CSMD1: variants seen among roughly 807,000 people sequenced by gnomAD.
CSMD1 encodes CUB and sushi domain-containing protein 1.
In CSMD1, 213 loss-of-function variants were observed where a neutral mutation model predicts 417.5. That is an observed-to-expected ratio of 0.51 (90% CI 0.46 to 0.57). The LOEUF (loss-of-function observed/expected upper bound fraction) is 0.57, where lower values mean the gene tolerates loss of function less well. Ranked by LOEUF, CSMD1 falls within the 20% of genes least tolerant of loss-of-function variation. The pLI is 0.00. For synonymous variants in CSMD1, 2,862 were observed against 1,736.8 expected (o/e 1.65, Z -16.11); for missense variants, 6,923 against 4,529.7 (o/e 1.53, Z -15.17).
At chr8:3,814,985 T>C (rs181854585) in intron 5 of CSMD1, among the ~76,000 whole-genome samples, 248 of 152,308 alleles carry the variant, frequency 1.6e-3, no homozygotes, top group African/African-American at 5.7e-3. Flanking sequence ...ATCTGCATAA[T>C]AATTACTAAA....
At chr8:4,243,096 C>G (rs1026144637) in intron 3 of CSMD1, among the ~76,000 whole-genome samples, 9 of 151,978 alleles carry the variant, frequency 5.9e-5, no homozygotes, top group Non-Finnish European at 8.8e-5. Context: ...GTCTTAGAAT[C>G]CGGAACATGT....
At chr8:4,442,015 A>G (rs1049458744) in intron 2 of CSMD1, among the ~76,000 whole-genome samples, 6 of 152,174 alleles carry the variant, frequency 3.9e-5, no homozygotes, top group Non-Finnish European at 7.3e-5. Context: ...AGTCATTTCT[A>G]TGTCCCCCCG....
chr8:4,756,467 G>A (rs1811675017), intron 1 of CSMD1, among the ~76,000 whole-genome samples: 1 of 152,082 alleles, frequency 6.6e-6, no homozygotes, highest in Non-Finnish European at 1.5e-5. Context: ...AATTTGGGGA[G>A]GAAATAAATT....
At chr8:3,220,628 C>G (rs1016328388) in intron 28 of CSMD1, among the ~76,000 whole-genome samples, 1 of 152,048 alleles carries the variant, frequency 6.6e-6, no homozygotes, top group Non-Finnish European at 1.5e-5. Context: ...GTCAGGAGTT[C>G]GAGAACAGCC....
At chr8:3,374,399 G>A (rs1022199415) in intron 18 of CSMD1, among the ~76,000 whole-genome samples, 1 of 152,130 alleles carries the variant, frequency 6.6e-6, no homozygotes, top group East Asian at 1.9e-4. Flanking sequence ...ATAGAACAAT[G>A]AATAAGACAG....
intron 23 of CSMD1, among the ~76,000 whole-genome samples, chr8:3,321,005 C>G (rs1017505576): frequency 6.6e-6 from 1 of 152,114 alleles, no homozygotes; most frequent in Non-Finnish European, 1.5e-5. Flanking sequence ...CATCTCTTCC[C>G]CAAAAATGGC....
intron 7 of CSMD1, among the ~76,000 whole-genome samples, chr8:3,693,720 T>G (rs937820451): frequency 2.6e-5 from 4 of 152,102 alleles, no homozygotes; most frequent in South Asian, 4.1e-4. Context: ...ATGTATGTGT[T>G]GTGTGTGTTA....
intron 41 of CSMD1, among the ~76,000 whole-genome samples, chr8:3,120,704 A>AGTG (rs1554431366): frequency 4.0e-5 from 6 of 148,816 alleles, no homozygotes; most frequent in African/African-American, 1.5e-4. Flanking sequence ...AAAATTAGCC[A>AGTG]GGGGGGGTGA....
At chr8:3,922,087 A>T (rs906108457) in intron 5 of CSMD1, among the ~76,000 whole-genome samples, 1 of 152,070 alleles carries the variant, frequency 6.6e-6, no homozygotes, top group Non-Finnish European at 1.5e-5. Context: ...ATATAATTTT[A>T]TATAGTTTTC....
intron 1 of CSMD1, among the ~76,000 whole-genome samples, chr8:4,693,616 C>T (rs1456286444): frequency 6.6e-6 from 1 of 152,196 alleles, no homozygotes; most frequent in Non-Finnish European, 1.5e-5. Flanking sequence ...CGGGATTTTT[C>T]TCCTTCCATT....
chr8:4,282,365 G>C (rs149716583), intron 3 of CSMD1, among the ~76,000 whole-genome samples: 1 of 152,084 alleles, frequency 6.6e-6, no homozygotes, highest in Non-Finnish European at 1.5e-5. Flanking sequence ...TGGACAAGAG[G>C]GCTCTCTTCT....
intron 5 of CSMD1, among the ~76,000 whole-genome samples, chr8:3,909,333 T>A (rs117153547): frequency 6.6e-6 from 1 of 152,094 alleles, no homozygotes; most frequent in Non-Finnish European, 1.5e-5. Context: ...CGTGTGGGCA[T>A]CCTTGCTGGG....
At chr8:3,529,617 G>T (rs76551516) in intron 10 of CSMD1, among the ~76,000 whole-genome samples, 1 of 152,292 alleles carries the variant, frequency 6.6e-6, no homozygotes, top group South Asian at 2.1e-4. Flanking sequence ...CGCCTAGTTC[G>T]TGATTTGTCA....
intron 38 of CSMD1, 102 bp downstream of exon 38, chr8:3,162,057 G>A (rs1312500782): frequency 1.4e-5 from 10 of 728,394 alleles, no homozygotes; most frequent in Middle Eastern, 2.4e-4. Context: ...TTCACAAACT[G>A]AGTGAGGAAA....
At chr8:3,912,610 C>A in intron 5 of CSMD1, among the ~76,000 whole-genome samples, 1 of 152,116 alleles carries the variant, frequency 6.6e-6, no homozygotes, top group Non-Finnish European at 1.5e-5. Flanking sequence ...AGAGAAGGAG[C>A]TAAGGTGAAT....
intron 1 of CSMD1, among the ~76,000 whole-genome samples, chr8:4,887,315 A>G (rs1407678233): frequency 6.6e-6 from 1 of 152,092 alleles, no homozygotes; most frequent in African/African-American, 2.4e-5. Flanking sequence ...CTCAATTACA[A>G]TGTGTTAAAG....
chr8:3,732,780 CATCCCACTG>C (rs1294594591), intron 6 of CSMD1, among the ~76,000 whole-genome samples: 1 of 152,108 alleles, frequency 6.6e-6, no homozygotes, highest in Admixed American at 6.5e-5. Context: ...CTGAAACGTC[CATCCCACTG>C]AGTGATTCCG....
intron 3 of CSMD1, among the ~76,000 whole-genome samples, chr8:4,140,156 C>T (rs1396089259): frequency 2.0e-5 from 3 of 150,642 alleles, no homozygotes; most frequent in East Asian, 3.9e-4. Flanking sequence ...GGTTTGCGAC[C>T]AGCCTGAGCA....
intron 2 of CSMD1, among the ~76,000 whole-genome samples, chr8:4,528,214 T>C (rs1796616396): frequency 6.6e-6 from 1 of 152,196 alleles, no homozygotes; most frequent in Non-Finnish European, 1.5e-5. Context: ...CAACTTTCTG[T>C]TCCATCTTCA....
Sources: gnomAD v4.1 joint callset for allele counts (sites outside exome capture counted in the v4.1 genomes callset) on GRCh38, gnomAD v4.1.1 for gene constraint, MANE v1.5 for transcripts, NCBI Gene and HGNC (gene_info 2026-07-23, HGNC 2026-07-21) for gene names.